The following MAN2A1 variants were observed in gnomAD, a reference collection of about 807,000 sequenced individuals.
MAN2A1 encodes mannosidase alpha class 2A member 1.
MAN2A1 carries 76 observed loss-of-function variants against 142.6 expected under a neutral mutation model. The observed-to-expected ratio is 0.53, with a 90% CI of 0.44 to 0.65. The LOEUF (loss-of-function observed/expected upper bound fraction) is 0.65, where lower values mean the gene tolerates loss of function less well. MAN2A1 is among the 30% of genes least tolerant of loss of function. The probability of loss-of-function intolerance (pLI) is 0.00; values close to 1 mark genes in which losing one functional copy is unlikely to be tolerated. For missense variants in MAN2A1, 1,311 were observed against 1,365.1 expected (o/e 0.96, Z 0.62); for synonymous variants, 559 against 473.2 (o/e 1.18, Z -2.35).
chr5:109,759,840 A>G (rs185521417), intron 5 of MAN2A1, among the ~76,000 whole-genome samples: 7 of 152,212 alleles, frequency 4.6e-5, no homozygotes, highest in African/African-American at 1.4e-4. Context: ...ATGCATTTCT[A>G]TGATGACTAA....
chr5:109,775,446 T>A (rs569920147), intron 8 of MAN2A1, among the ~76,000 whole-genome samples: 9 of 151,298 alleles, frequency 5.9e-5, no homozygotes, highest in Admixed American at 4.6e-4. Flanking sequence ...TGAGAAGACT[T>A]CTAAAATTAA....
In MAN2A1 at chr5:109,817,196, G is replaced by GTATATA. The variant is rs550360118; in HGVS notation, c.1944-72_1944-71insATATAT. On this transcript the variant is annotated intron_variant, in intron 12 of 21. Transcript: ENST00000261483. ...TATATATGTATATGTATATGTATATGTATATCTACATGTATATGTATATGT... is the reference window on the plus strand; with the variant it reads ...TATATATGTATATGTATATGTATATGTATATATATATCTACATGTATATGTATATGT... The GTATATA allele has an allele frequency of 1.4e-5, 17 of 1,215,708 alleles. 1 individual carries two copies. The highest frequency in any genetic ancestry group is 7.7e-5 in the African/African-American group (5 of 64,732). 75.3% of individuals were successfully genotyped at this position (1,215,708 alleles called of 1,614,324 possible). A position where few individuals can be genotyped will look rare whatever the true frequency, so the allele number is the denominator to read the frequency against.
chr5:109,798,848 A>AT (rs757916039), intron 12 of MAN2A1, among the ~76,000 whole-genome samples: 4 of 151,582 alleles, frequency 2.6e-5, no homozygotes, highest in South Asian at 2.1e-4. Flanking sequence ...CACTGGGCCA[A>AT]TTTTTTTTGT....
chr5:109,732,475 C>G (rs900555402), intron 4 of MAN2A1, among the ~76,000 whole-genome samples: 3 of 152,080 alleles, frequency 2.0e-5, no homozygotes, highest in African/African-American at 7.2e-5. Flanking sequence ...AGGTTTTCTT[C>G]TAGGGTTTTT....
chr5:109,766,013 G>A (rs536223029), intron 5 of MAN2A1, among the ~76,000 whole-genome samples: 1 of 152,202 alleles, frequency 6.6e-6, no homozygotes, highest in Non-Finnish European at 1.5e-5. Flanking sequence ...GAGCTAAGGT[G>A]TGGTCATTGG....
intron 4 of MAN2A1, among the ~76,000 whole-genome samples, chr5:109,742,044 A>G (rs1332815238): frequency 6.6e-6 from 1 of 152,238 alleles, no homozygotes; most frequent in Non-Finnish European, 1.5e-5. Flanking sequence ...CATGATGTTT[A>G]TAATACATCA....
At chr5:109,727,520 T>C (rs1751778952) in intron 3 of MAN2A1, among the ~76,000 whole-genome samples, 1 of 152,192 alleles carries the variant, frequency 6.6e-6, no homozygotes, top group African/African-American at 2.4e-5. Flanking sequence ...GATCTGTCCA[T>C]AACAAGGGCA....
chr5:109,767,473 G>A, intron 5 of MAN2A1, 62 bp from the exon 6 acceptor site: 1 of 1,391,018 alleles, frequency 7.2e-7, no homozygotes, highest in Admixed American at 1.9e-5. Flanking sequence ...TGAATGTGTT[G>A]TGACTTCTTT....
At chr5:109,818,876 A>G (rs956876656) in intron 13 of MAN2A1, among the ~76,000 whole-genome samples, 5 of 152,200 alleles carry the variant, frequency 3.3e-5, no homozygotes, top group Admixed American at 6.5e-5. Flanking sequence ...TCAAACATTT[A>G]TAGAATATTG....
intron 12 of MAN2A1, among the ~76,000 whole-genome samples, chr5:109,804,593 G>T (rs1754116313): frequency 6.6e-6 from 1 of 152,044 alleles, no homozygotes; most frequent in Admixed American, 6.6e-5. Flanking sequence ...TCATTGGGTT[G>T]TATAGTAGGG....
chr5:109,700,347 C>G (rs141299903), intron 1 of MAN2A1, among the ~76,000 whole-genome samples: 206 of 146,830 alleles, frequency 1.4e-3, no homozygotes, highest in African/African-American at 4.7e-3. Context: ...TCTTCTAGAA[C>G]TGATAGTGCT....
rs141700324 is a variant in MAN2A1 at position 109,794,508 on chromosome 5, C to T, written c.1943+4981C>T. Among the ~76,000 whole-genome samples, 75 of 152,090 alleles carry T rather than the reference C, an allele frequency of 4.9e-4. 1 individual carries two copies. The highest frequency in any genetic ancestry group is 3.4e-3 in the Middle Eastern group (1 of 294). On this transcript the variant is annotated intron_variant, in intron 12 of 21. Transcript: ENST00000261483. ...CTGGTCGGCTATATTTTTTAATTATCCTAAAGAATTCAAGGCAATAATAGA... is the reference window on the plus strand; with the variant it reads ...CTGGTCGGCTATATTTTTTAATTATTCTAAAGAATTCAAGGCAATAATAGA...
At chr5:109,735,488 C>T (rs888887262) in intron 4 of MAN2A1, among the ~76,000 whole-genome samples, 3 of 152,130 alleles carry the variant, frequency 2.0e-5, no homozygotes, top group Non-Finnish European at 4.4e-5. Context: ...TACAATTTGG[C>T]ATGATTTTGC....
At chr5:109,830,713 T>G (rs772108770) in intron 16 of MAN2A1, among the ~76,000 whole-genome samples, 8 of 152,358 alleles carry the variant, frequency 5.3e-5, no homozygotes, top group East Asian at 3.9e-4. Context: ...GCTTAGGTAA[T>G]TAAAACATTT....
At chr5:109,829,576 C>T (rs1451043993) in intron 16 of MAN2A1, among the ~76,000 whole-genome samples, 2 of 152,158 alleles carry the variant, frequency 1.3e-5, no homozygotes, top group South Asian at 2.1e-4. Context: ...CTCTTGGTAG[C>T]CATTGTTTTG....
intron 20 of MAN2A1, among the ~76,000 whole-genome samples, chr5:109,861,846 A>G (rs929265132): frequency 6.6e-6 from 1 of 152,198 alleles, no homozygotes; most frequent in South Asian, 2.1e-4. Flanking sequence ...TAGGACACCT[A>G]CAGAGGATAT....
intron 1 of MAN2A1, among the ~76,000 whole-genome samples, chr5:109,712,862 G>T (rs1487811435): frequency 6.6e-6 from 1 of 152,162 alleles, no homozygotes; most frequent in African/African-American, 2.4e-5. Context: ...CTCTCATAAG[G>T]TGAGGTATTA....
intron 15 of MAN2A1, among the ~76,000 whole-genome samples, chr5:109,822,056 C>A (rs1754638247): frequency 6.6e-6 from 1 of 151,682 alleles, no homozygotes. Context: ...AGTTATGAAA[C>A]CTGCTAACTA....
At chr5:109,759,960 TATATAGATAG>T (rs1478881629) in intron 5 of MAN2A1, among the ~76,000 whole-genome samples, 1,470 of 35,922 alleles carry the variant, frequency 0.041, 13 homozygotes, top group African/African-American at 0.17. Context: ...TATATATATA[TATATAGATAG>T]ATAGATAGAT....
Sources: allele counts gnomAD v4.1 joint callset (sites outside exome capture counted in the v4.1 genomes callset), GRCh38; gene constraint gnomAD v4.1.1; transcripts MANE v1.5; gene names NCBI Gene and HGNC (gene_info 2026-07-23, HGNC 2026-07-21).